The following CLSTN1 variants were observed in gnomAD, a reference collection of about 807,000 sequenced individuals.
The protein encoded by CLSTN1 is calsyntenin-1.
In CLSTN1, 28 loss-of-function variants were observed where a neutral mutation model predicts 108.3. The ratio of observed to expected loss-of-function variants is 0.26; its 90% CI spans 0.19 to 0.35. The LOEUF is 0.35. CLSTN1 is among the 10% of genes least tolerant of loss of function. The probability of loss-of-function intolerance (pLI) is 1.00; values close to 1 mark genes in which losing one functional copy is unlikely to be tolerated. For synonymous variants in CLSTN1, 524 were observed against 534.9 expected (o/e 0.98, Z 0.28); for missense variants, 1,157 against 1,302.6 (o/e 0.89, Z 1.72).
chr1:9,800,557 GAAAAAA>G (rs55929301), intron 1 of CLSTN1, among the ~76,000 whole-genome samples: 3 of 77,322 alleles, frequency 3.9e-5, no homozygotes, highest in African/African-American at 1.5e-4. Context: ...GTCTCCACTA[GAAAAAA>G]AAAAAAAAAA....
chr1:9,731,723 T>C lies in CLSTN1; in HGVS notation c.2563+38A>G, dbSNP rs199561907. 1,508 of 1,611,942 alleles carry C rather than the reference T, an allele frequency of 9.4e-4. 3 individuals are homozygous for C. The highest frequency in any genetic ancestry group is 1.2e-3 in the Non-Finnish European group (1,439 of 1,178,382). On this transcript the variant is annotated intron_variant, in intron 17 of 18. Coordinates refer to ENST00000377298, the MANE Select transcript of CLSTN1 (RefSeq NM_001009566.3). Reference sequence around the variant, plus strand: ...TGGGGTGGGGGCAGGGCGGACGGCATGGAGCATCTCCGCTTGGTCTCCCTC... The same window carrying C: ...TGGGGTGGGGGCAGGGCGGACGGCACGGAGCATCTCCGCTTGGTCTCCCTC...
intron 1 of CLSTN1, among the ~76,000 whole-genome samples, chr1:9,798,846 C>G (rs1654128744): frequency 6.6e-6 from 1 of 152,126 alleles, no homozygotes; most frequent in Non-Finnish European, 1.5e-5. Context: ...TCTTAGATCC[C>G]TAAGAGAAGT....
intron 1 of CLSTN1, among the ~76,000 whole-genome samples, chr1:9,779,505 C>G (rs1053696078): frequency 6.6e-6 from 1 of 152,100 alleles, no homozygotes; most frequent in African/African-American, 2.4e-5. Flanking sequence ...TGCAGTGAGC[C>G]AAGATCGCAC....
At chr1:9,773,707 T>C (rs1652800925) in intron 1 of CLSTN1, among the ~76,000 whole-genome samples, 1 of 152,184 alleles carries the variant, frequency 6.6e-6, no homozygotes, top group African/African-American at 2.4e-5. Flanking sequence ...AGCCTATCAC[T>C]GAAAAGTTAC....
intron 2 of CLSTN1, 145 bp from the exon 3 acceptor site, chr1:9,756,655 C>T (rs773773173): frequency 1.6e-5 from 10 of 640,534 alleles, no homozygotes; most frequent in Non-Finnish European, 2.2e-5. Context: ...ACAGCAAAAC[C>T]TAATCTTCAG....
rs768841934 is a variant in CLSTN1 at position 9,730,639 on chromosome 1, C to T, written c.2815G>A (p.Gly939Ser). 8.1e-5 allele frequency: 130 copies of T among 1,610,446 alleles called. No individual in the cohort carries two copies. Among genetic ancestry groups the T allele is most frequent in the Non-Finnish European group, 9.2e-5 (109 of 1,179,978 alleles). ...EEEEEEESED[G>S]EEEDDITSAE... ...CTGGTGATGTCATCCTCTTCTTCGC[C>T]GTCCTCGCTTTCCTCTTCCTCTTCC... The change falls in exon 19 of 19, where the codon GGC becomes AGC. Residue 939 changes from glycine (G) to serine (S), a missense_variant. By Grantham distance (56) the Gly-to-Ser change is moderately conservative. Transcript: ENST00000377298. The surrounding 1 kb of genome is among the most constrained non-coding windows in gnomAD (Gnocchi z 5.6).
At chr1:9,778,268 A>ACG (rs1491028137) in intron 1 of CLSTN1, among the ~76,000 whole-genome samples, 1 of 149,252 alleles carries the variant, frequency 6.7e-6, no homozygotes, top group Non-Finnish European at 1.5e-5. Context: ...ACACACACAC[A>ACG]CGCAGACTGT....
At position 9,747,298 on chromosome 1, in the gene CLSTN1, G is replaced by A. The variant is rs961443101; in HGVS notation, c.985+2163C>T. The stretch of plus-strand genomic sequence containing the variant: ...CACTTAATACCATGAAATGAGAGAC[G>A]GAATAAATTTTATATATTATACTTA... On this transcript the variant is annotated intron_variant, in intron 7 of 18. Transcript: ENST00000377298. Among the ~76,000 whole-genome samples the A allele has an allele frequency of 7.3e-5, 11 of 151,062 alleles. No individual in the cohort carries two copies. In the East Asian group the frequency reaches 7.7e-4, roughly 11 times the overall value.
chr1:9,765,709 C>T (rs1232548130), intron 2 of CLSTN1, among the ~76,000 whole-genome samples: 1 of 151,804 alleles, frequency 6.6e-6, no homozygotes, highest in Non-Finnish European at 1.5e-5. Flanking sequence ...GCGGAACCCT[C>T]CCTCTACTAA....
At position 9,749,576 on chromosome 1, in the gene CLSTN1, C is replaced by T; in HGVS notation, c.870G>A (p.Glu290=). The change falls in exon 7 of 19, where the codon GAG becomes GAA. Residue 290 remains glutamate (E), a synonymous_variant. Transcript: ENST00000377298. ...CTGAGGCGACTGGCTCGTCACATGT[C>T]TCCAGGTGGATATTTGGAAAGACGG... is the stretch of plus-strand genomic sequence containing the variant. The part of the protein sequence containing the change: ...ALAVFPNIHL[E]TCDEPVASVQ... 1 of 1,614,214 alleles carries T rather than the reference C, an allele frequency of 6.2e-7. No homozygotes were observed. The highest frequency in any genetic ancestry group is 8.5e-7 in the Non-Finnish European group (1 of 1,180,046).
chr1:9,758,004 T>TGGGGGGGGG (rs368090735), intron 2 of CLSTN1, among the ~76,000 whole-genome samples: 1 of 137,054 alleles, frequency 7.3e-6, no homozygotes. Flanking sequence ...TTGTTTGTTT[T>TGGGGGGGGG]GGGGGGGGGT....
In CLSTN1 at chr1:9,733,465, C is replaced by T; in HGVS notation, c.2363G>A (p.Arg788Gln). 6.2e-7 allele frequency: 1 copy of T among 1,614,160 alleles called. No homozygotes were observed. Among genetic ancestry groups the T allele is most frequent in the Non-Finnish European group, 8.5e-7 (1 of 1,180,032 alleles). ...CTCTGAGCAGATGAGCTTAAACTTCCGGTCAAGCAAGGACCTGGCATGCCA... is the reference window on the plus strand; with the variant it reads ...CTCTGAGCAGATGAGCTTAAACTTCTGGTCAAGCAAGGACCTGGCATGCCA... ...RNWHARSLLD[R>Q]KFKLICSELN... is the part of the protein sequence containing the mutation. The change falls in exon 16 of 19, where the codon CGG becomes CAG. Residue 788 changes from arginine (R) to glutamine (Q), a missense_variant. By Grantham distance (43) the Arg-to-Gln change is conservative. Coordinates refer to ENST00000377298, the MANE Select transcript of CLSTN1 (RefSeq NM_001009566.3).
At chr1:9,746,928 C>T (rs1651295247) in intron 7 of CLSTN1, among the ~76,000 whole-genome samples, 1 of 151,626 alleles carries the variant, frequency 6.6e-6, no homozygotes, top group African/African-American at 2.4e-5. Context: ...GCATATAATC[C>T]CAGCACTTTG....
chr1:9,800,278 C>T (rs1261709341), intron 1 of CLSTN1, among the ~76,000 whole-genome samples: 1 of 151,444 alleles, frequency 6.6e-6, no homozygotes, highest in African/African-American at 2.4e-5. Flanking sequence ...AGAAAACCAA[C>T]AAAACCAAAA....
intron 2 of CLSTN1, among the ~76,000 whole-genome samples, chr1:9,764,233 C>T (rs1488733487): frequency 1.3e-5 from 2 of 151,858 alleles, no homozygotes; most frequent in Non-Finnish European, 2.9e-5. Context: ...CCCACTACCC[C>T]CCACCCCACC....
chr1:9,792,562 C>T (rs1653816212), intron 1 of CLSTN1, among the ~76,000 whole-genome samples: 1 of 151,424 alleles, frequency 6.6e-6, no homozygotes, highest in South Asian at 2.2e-4. Context: ...TTACAGCCAT[C>T]CTGTAGGGTA....
Position 9,774,560 on chromosome 1 carries a change from C to T in CLSTN1, c.92-1166G>A, listed in dbSNP as rs139786919. Among the ~76,000 whole-genome samples, 870 of 150,132 alleles carry T rather than the reference C, an allele frequency of 5.8e-3. 10 individuals carry two copies. Among genetic ancestry groups the T allele is most frequent in the Middle Eastern group, 0.02 (6 of 294 alleles). On this transcript the variant is annotated intron_variant, in intron 1 of 18. Transcript: ENST00000377298. ...CAGACTGGGCGACAGAGTGAGACTCCGCCTCAAAAAAAAAAAAATAATCCA... is the reference window on the plus strand; with the variant it reads ...CAGACTGGGCGACAGAGTGAGACTCTGCCTCAAAAAAAAAAAAATAATCCA...
intron 1 of CLSTN1, among the ~76,000 whole-genome samples, chr1:9,803,097 A>C (rs1654355611): frequency 1.3e-5 from 2 of 152,162 alleles, no homozygotes; most frequent in African/African-American, 4.8e-5. Context: ...TGCTGGGATT[A>C]CAGGCATAAG....
intron 1 of CLSTN1, among the ~76,000 whole-genome samples, chr1:9,820,156 G>A (rs1292341694): frequency 1.3e-5 from 2 of 151,840 alleles, no homozygotes; most frequent in Admixed American, 6.6e-5. Flanking sequence ...TTACAGGGGT[G>A]AGCCACCGAG....
Sources: gnomAD v4.1 joint callset for allele counts (sites outside exome capture counted in the v4.1 genomes callset) on GRCh38, gnomAD v4.1.1 for gene constraint, Gnocchi (gnomAD v3.1) non-coding constraint, MANE v1.5 for transcripts, NCBI Gene and HGNC (gene_info 2026-07-23, HGNC 2026-07-21) for gene names.